Variants in DHX15 observed in about 807,000 individuals in gnomAD.
DHX15 encodes the protein ATP-dependent RNA helicase DHX15.
DHX15 carries 11 observed loss-of-function variants against 94.4 expected under a neutral mutation model. That is an observed-to-expected ratio of 0.12 (90% CI 0.07 to 0.19). DHX15 has a LOEUF of 0.19. Among genes scored for constraint, DHX15 ranks in the 10% least tolerant of loss-of-function variants. The pLI is 1.00. For missense variants in DHX15, 304 were observed against 988.5 expected, an observed-to-expected ratio of 0.31 and a Z score of 9.29; for synonymous variants, 338 against 329.9, an observed-to-expected ratio of 1.02 and a Z score of -0.27.
chr4:24,555,812 G>GA, intron 4 of DHX15, among the ~76,000 whole-genome samples: 1 of 152,286 alleles, frequency 6.6e-6, no homozygotes. Context: ...ACGAGGGTAA[G>GA]TGACTACATT....
chr4:24,584,183 C>T (rs1418037585), intron 1 of DHX15, 140 bp downstream of exon 1: 1 of 902,544 alleles, frequency 1.1e-6, no homozygotes, highest in Non-Finnish European at 1.6e-6. Flanking sequence ...GCTTCTCCTA[C>T]CCGCCGCTAG....
intron 2 of DHX15, among the ~76,000 whole-genome samples, chr4:24,572,306 T>C (rs1349325793): frequency 6.6e-6 from 1 of 152,134 alleles, no homozygotes; most frequent in East Asian, 1.9e-4. Context: ...GGCTAATTTT[T>C]TGTATTTTTA....
intron 5 of DHX15, among the ~76,000 whole-genome samples, chr4:24,550,455 T>G (rs1453685064): frequency 6.6e-6 from 1 of 152,176 alleles, no homozygotes; most frequent in Non-Finnish European, 1.5e-5. Flanking sequence ...TGCAAAAGTA[T>G]TTTCTCTTTA....
chr4:24,549,573 C>G (rs893152222), intron 5 of DHX15, among the ~76,000 whole-genome samples: 1 of 152,196 alleles, frequency 6.6e-6, no homozygotes, highest in African/African-American at 2.4e-5. Flanking sequence ...CAGAAAACTA[C>G]AGTCACACGT....
chr4:24,571,051 C>A (rs904023787), intron 2 of DHX15, among the ~76,000 whole-genome samples: 1 of 152,076 alleles, frequency 6.6e-6, no homozygotes, highest in Admixed American at 6.5e-5. Context: ...TGACACACAC[C>A]CAAGTTGGGT....
Position 24,576,357 on chromosome 4 carries a change from T to C in DHX15, c.393A>G (p.Leu131=), listed in dbSNP as rs1353110368. The stretch of plus-strand genomic sequence containing the variant: ...AAACAGGGAGCTGAAGACGTTTCTT[T>C]AGAATATCATAGTATCGAGGAGTAT... ...LPHTPRYYDI[L]KKRLQLPVWE... is the part of the protein sequence containing the mutation. Residue 131 remains leucine (L), a synonymous_variant, in exon 2 of 14, where the codon CTA becomes CTG. Transcript: ENST00000336812. The C allele has an allele frequency of 6.2e-6, 10 of 1,614,096 alleles. No homozygotes were observed. Among genetic ancestry groups the C allele is most frequent in the African/African-American group, 1.3e-5 (1 of 74,928 alleles).
intron 6 of DHX15, among the ~76,000 whole-genome samples, chr4:24,543,616 A>G (rs1721362928): frequency 6.6e-6 from 1 of 152,180 alleles, no homozygotes; most frequent in Non-Finnish European, 1.5e-5. Flanking sequence ...CTACATACAA[A>G]GCAACTGTTA....
intron 6 of DHX15, among the ~76,000 whole-genome samples, chr4:24,545,991 TCACTTTTTTTCTAATAGAAC>T (rs1264959079): frequency 6.6e-6 from 1 of 152,098 alleles, no homozygotes; most frequent in African/African-American, 2.4e-5. Flanking sequence ...CTAATAGAAC[TCACTTTTTTTCTAATAGAAC>T]CACTTCCCCC....
intron 4 of DHX15, 152 bp downstream of exon 4, chr4:24,556,099 C>A (rs1721733193): frequency 3.5e-6 from 2 of 572,064 alleles, no homozygotes; most frequent in Non-Finnish European, 5.8e-6. Flanking sequence ...AAAATGAAAG[C>A]ACAGCAAAGC....
chr4:24,560,172 G>A (rs1721835326), intron 3 of DHX15, among the ~76,000 whole-genome samples: 1 of 151,268 alleles, frequency 6.6e-6, no homozygotes, highest in Non-Finnish European at 1.5e-5. Context: ...AACAAACCAT[G>A]GTAAAACATT....
Position 24,556,290 on chromosome 4 carries a change from A to G in DHX15, c.822T>C (p.Gly274=). ...TCTGTCTTACAACTTCCTTCAGAAC[A>G]CCCATTAGAATATCTGTAGCCAGTG... ...ERTLATDILM[G]VLKEVVRQRS... Residue 274 remains glycine, a synonymous_variant, in exon 4 of 14, where the codon GGT becomes GGC. Transcript: ENST00000336812. 3 of 1,613,688 alleles carry G rather than the reference A, an allele frequency of 1.9e-6. No homozygotes were observed. The highest frequency in any genetic ancestry group is 2.5e-6 in the Non-Finnish European group (3 of 1,179,714).
chr4:24,543,222 CACA>C (rs1417051672), intron 6 of DHX15, among the ~76,000 whole-genome samples, 196 bp from the exon 7 acceptor site: 1 of 152,004 alleles, frequency 6.6e-6, no homozygotes, highest in Non-Finnish European at 1.5e-5. Flanking sequence ...TTGTTTACAC[CACA>C]ACAGCAACTT....
chr4:24,576,063 G>T (rs796952248), intron 2 of DHX15, among the ~76,000 whole-genome samples, 180 bp downstream of exon 2: 1 of 152,102 alleles, frequency 6.6e-6, no homozygotes, highest in South Asian at 2.1e-4. Context: ...AGATTCAGGG[G>T]AGAGGTATTC....
intron 9 of DHX15, 44 bp from the exon 10 acceptor site, chr4:24,540,343 G>A (rs1560762730): frequency 1.3e-6 from 2 of 1,505,872 alleles, no homozygotes; most frequent in Admixed American, 2.1e-5. Context: ...CCTTAAGCAA[G>A]CAAAAATGTG....
At chr4:24,561,270 G>T (rs1195323073) in intron 3 of DHX15, among the ~76,000 whole-genome samples, 1 of 152,146 alleles carries the variant, frequency 6.6e-6, no homozygotes, top group Non-Finnish European at 1.5e-5. Context: ...AAACCACAAT[G>T]AGATACCATC....
chr4:24,582,479 TTCATTCCC>T (rs1722438030), intron 1 of DHX15, among the ~76,000 whole-genome samples: 1 of 152,244 alleles, frequency 6.6e-6, no homozygotes. Context: ...AATGAATTCA[TTCATTCCC>T]TCCCAGAATA....
chr4:24,576,957 T>A (rs1722281828), intron 1 of DHX15, among the ~76,000 whole-genome samples: 1 of 152,178 alleles, frequency 6.6e-6, no homozygotes, highest in Non-Finnish European at 1.5e-5. Flanking sequence ...AAACCCCTCC[T>A]ACTTAGACAA....
In DHX15 at chr4:24,552,341, GA is replaced by G. The variant is rs758424531; in HGVS notation, c.1080+2383del. ...CTTACCAATTAACTCACTGCATGTT[GA>G]AAAAAAAATTTACTAAGCAAAATTA... On this transcript the variant is annotated intron_variant, in intron 5 of 13. Coordinates refer to ENST00000336812, the MANE Select transcript of DHX15 (RefSeq NM_001358.3). 1.3e-3 allele frequency among the ~76,000 whole-genome samples: 200 copies of G among 150,888 alleles called. 1 individual carries two copies. The highest frequency in any genetic ancestry group is 3.4e-3 in the South Asian group (16 of 4,764).
At chr4:24,555,636 C>A (rs1399620588) in intron 4 of DHX15, among the ~76,000 whole-genome samples, 1 of 152,086 alleles carries the variant, frequency 6.6e-6, no homozygotes, top group East Asian at 1.9e-4. Flanking sequence ...CTTGTATCAA[C>A]AAGGGATGAG....
Sources: allele counts gnomAD v4.1 joint callset (sites outside exome capture counted in the v4.1 genomes callset), GRCh38; gene constraint gnomAD v4.1.1; transcripts MANE v1.5; gene names NCBI Gene and HGNC (gene_info 2026-07-23, HGNC 2026-07-21).